The following FAM135B variants were observed in gnomAD, a reference collection of about 807,000 sequenced individuals.
FAM135B encodes the protein family with sequence similarity 135 member B, also known as protein FAM135B.
FAM135B carries 43 observed loss-of-function variants against 127.7 expected under a neutral mutation model. That is an observed-to-expected ratio of 0.34 (90% CI 0.26 to 0.43). FAM135B has a LOEUF of 0.43. Ranked by LOEUF, FAM135B falls within the 20% of genes least tolerant of loss-of-function variation. The pLI is 1.00. For synonymous variants in FAM135B, 670 were observed against 665.1 expected (o/e 1.01, Z -0.11); for missense variants, 1,558 against 1,725.6 (o/e 0.90, Z 1.72).
At chr8:138,322,792 G>A (rs189239576) in intron 2 of FAM135B, among the ~76,000 whole-genome samples, 42 of 152,192 alleles carry the variant, frequency 2.8e-4, no homozygotes, top group Admixed American at 6.5e-4. Context: ...AGGACACCTG[G>A]CACCATCTGG....
Position 138,141,416 on chromosome 8 carries a change from T to C in FAM135B, c.3639-67A>G. On this transcript the variant is annotated intron_variant, in intron 16 of 19. Transcript: ENST00000395297. This position sits in a 1 kb window ranked among gnomAD's most constrained non-coding sequence, Gnocchi z 4.7. The stretch of plus-strand genomic sequence containing the variant: ...ATGCTGCTGCCCAAGAGTGCAGTGC[T>C]GGAAGCATCAGGGGCCATTGTTCTC... 6.5e-7 allele frequency: 1 copy of C among 1,528,812 alleles called. No individual in the cohort carries two copies. The highest frequency in any genetic ancestry group is 9.0e-7 in the Non-Finnish European group (1 of 1,108,514). 94.7% of individuals were successfully genotyped at this position (1,528,812 alleles called of 1,614,324 possible).
chr8:138,456,817 G>A (rs981213815), intron 1 of FAM135B, among the ~76,000 whole-genome samples: 2 of 152,058 alleles, frequency 1.3e-5, no homozygotes, highest in African/African-American at 4.8e-5. Context: ...CACTGGTATG[G>A]TCTATATACA....
rs1816268106 is a variant in FAM135B at position 138,132,172 on chromosome 8, C to G, written c.*421G>C. 5.4e-6 allele frequency: 1 copy of G among 184,820 alleles called. No individual in the cohort carries two copies. The highest frequency in any genetic ancestry group is 2.4e-5 in the African/African-American group (1 of 42,046). 11.4% of individuals were successfully genotyped at this position (184,820 alleles called of 1,614,324 possible). On this transcript the variant is annotated 3_prime_UTR_variant, in exon 20 of 20. Coordinates refer to ENST00000395297, the MANE Select transcript of FAM135B (RefSeq NM_015912.4). The surrounding 1 kb of genome is among the most constrained non-coding windows in gnomAD (Gnocchi z 4.5). ...GTTCCACTGCTGCACAGAGATTAAC[C>G]TGAGTTCTGAAATGCTTGTGTGCAC...
intron 12 of FAM135B, 83 bp from the exon 13 acceptor site, chr8:138,153,299 A>C: frequency 8.3e-7 from 1 of 1,202,320 alleles, no homozygotes; most frequent in Non-Finnish European, 1.1e-6. Flanking sequence ...CTGTATAATA[A>C]AGAATTTAGC....
At chr8:138,487,352 CT>C (rs1408549396) in intron 1 of FAM135B, among the ~76,000 whole-genome samples, 28 of 147,996 alleles carry the variant, frequency 1.9e-4, no homozygotes, top group East Asian at 5.9e-4. Context: ...CATGGGACTA[CT>C]TTTTTTTTTT....
At position 138,449,574 on chromosome 8, in the gene FAM135B, C is replaced by T. The variant is rs142490875; in HGVS notation, c.-20+47097G>A. Reference sequence around the variant, plus strand: ...GCCCACCACTCAAGGCCAAGACCAACTTCAGGATTCAAACTCTACTAAGTG... The same window carrying T: ...GCCCACCACTCAAGGCCAAGACCAATTTCAGGATTCAAACTCTACTAAGTG... On this transcript the variant is annotated intron_variant, in intron 1 of 19. Coordinates refer to ENST00000395297, the MANE Select transcript of FAM135B (RefSeq NM_015912.4). Among the ~76,000 whole-genome samples, 510 of 152,290 alleles carry T rather than the reference C, an allele frequency of 3.3e-3. 2 individuals are homozygous for T. The highest frequency in any genetic ancestry group is 0.011 in the African/African-American group (471 of 41,556).
At chr8:138,287,165 T>C (rs1824751440) in intron 3 of FAM135B, among the ~76,000 whole-genome samples, 1 of 152,070 alleles carries the variant, frequency 6.6e-6, no homozygotes, top group South Asian at 2.1e-4. Flanking sequence ...AAAATTGTCA[T>C]CAAAGATGTG....
intron 1 of FAM135B, among the ~76,000 whole-genome samples, chr8:138,455,395 C>A (rs1836718743): frequency 6.6e-6 from 1 of 152,140 alleles, no homozygotes; most frequent in South Asian, 2.1e-4. Context: ...GGTCTGACAG[C>A]ATCTCTTAAG....
At chr8:138,432,875 G>A (rs61663020) in intron 1 of FAM135B, among the ~76,000 whole-genome samples, 2,537 of 151,942 alleles carry the variant, frequency 0.017, 31 homozygotes, top group African/African-American at 0.04. Flanking sequence ...GGGGGGTGAC[G>A]GGGCCCCAGA....
intron 13 of FAM135B, among the ~76,000 whole-genome samples, chr8:138,149,132 T>TAAAA (rs1179901613): frequency 2.3e-5 from 2 of 85,360 alleles, no homozygotes; most frequent in African/African-American, 9.1e-5. Context: ...AGTATAATAA[T>TAAAA]AAAAAAATAA....
chr8:138,189,601 G>C (rs992823336), intron 9 of FAM135B, among the ~76,000 whole-genome samples: 8 of 152,168 alleles, frequency 5.3e-5, no homozygotes, highest in Middle Eastern at 3.2e-3. Flanking sequence ...TCTAGATGCT[G>C]CTGTGAGGCC....
chr8:138,489,875 G>A (rs1257205079), intron 1 of FAM135B, among the ~76,000 whole-genome samples: 1 of 152,066 alleles, frequency 6.6e-6, no homozygotes, highest in East Asian at 1.9e-4. Context: ...TCTCATATTC[G>A]ATACCTCTTC....
At chr8:138,354,166 C>T (rs1012016582) in intron 2 of FAM135B, among the ~76,000 whole-genome samples, 17 of 152,106 alleles carry the variant, frequency 1.1e-4, no homozygotes, top group African/African-American at 4.1e-4. Flanking sequence ...TTCTGTTACA[C>T]ATACAATCAA....
chr8:138,329,319 GA>G (rs1417725507), intron 2 of FAM135B, among the ~76,000 whole-genome samples: 4 of 152,172 alleles, frequency 2.6e-5, no homozygotes, highest in African/African-American at 9.7e-5. Context: ...TCTCTTTTGA[GA>G]ATAAACCATC....
At chr8:138,444,185 C>G (rs901632265) in intron 1 of FAM135B, among the ~76,000 whole-genome samples, 1 of 152,098 alleles carries the variant, frequency 6.6e-6, no homozygotes, top group Non-Finnish European at 1.5e-5. Flanking sequence ...GACTTAGGCT[C>G]CCACACAATA....
chr8:138,174,078 T>C (rs909964654), intron 11 of FAM135B, among the ~76,000 whole-genome samples: 1 of 152,150 alleles, frequency 6.6e-6, no homozygotes, highest in African/African-American at 2.4e-5. Context: ...CAGCAGACAG[T>C]CCTTCCTCAT....
At chr8:138,465,670 C>A (rs1260420074) in intron 1 of FAM135B, among the ~76,000 whole-genome samples, 1 of 152,186 alleles carries the variant, frequency 6.6e-6, no homozygotes, top group African/African-American at 2.4e-5. Flanking sequence ...CAGCAAAAAG[C>A]CTCTCCCCTC....
chr8:138,156,904 C>T (rs1277270099), intron 12 of FAM135B, among the ~76,000 whole-genome samples: 2 of 152,158 alleles, frequency 1.3e-5, no homozygotes, highest in East Asian at 3.9e-4. Flanking sequence ...TGAAACTATT[C>T]CAATCAATAG....
intron 11 of FAM135B, 26 bp downstream of exon 11, chr8:138,177,321 G>A (rs903298928): frequency 6.2e-6 from 10 of 1,606,834 alleles, no homozygotes; most frequent in Non-Finnish European, 8.5e-6. Context: ...TTTTAGGGAT[G>A]AAGTGGGCAT....
Sources: allele counts gnomAD v4.1 joint callset (sites outside exome capture counted in the v4.1 genomes callset), GRCh38; gene constraint gnomAD v4.1.1; non-coding constraint Gnocchi (gnomAD v3.1); transcripts MANE v1.5; gene names NCBI Gene and HGNC (gene_info 2026-07-23, HGNC 2026-07-21).